Variants in PRKN observed in about 807,000 individuals in gnomAD.
PRKN encodes the protein E3 ubiquitin-protein ligase parkin.
PRKN carries 56 observed loss-of-function variants against 59.5 expected under a neutral mutation model. That is an observed-to-expected ratio of 0.94 (90% confidence interval 0.76 to 1.18). PRKN has a LOEUF of 1.18. Among genes scored for constraint, PRKN ranks in the 50% most tolerant of loss-of-function variants. The probability of loss-of-function intolerance (pLI) is 0.00; values close to 1 mark genes in which losing one functional copy is unlikely to be tolerated. For missense variants in PRKN, 657 were observed against 596.4 expected, an observed-to-expected ratio of 1.10 and a Z score of -1.06; for synonymous variants, 250 against 222.1, an observed-to-expected ratio of 1.13 and a Z score of -1.12.
Position 162,632,841 on chromosome 6 carries a change from T to C in PRKN, c.7+94821A>G, listed in dbSNP as rs532704367. Among the ~76,000 whole-genome samples the C allele has an allele frequency of 1.2e-4, 18 of 152,238 alleles. No homozygotes were observed. The East Asian group carries it at 3.5e-3, about 29-fold the overall frequency. On this transcript the variant is annotated intron_variant, in intron 1 of 11. Transcript: ENST00000366898. ...CTTAGATACAAATGTAATTGGTAAT[T>C]CTAATATAATACAAAATAATCAGGC...
chr6:162,111,463 TA>T (rs144971105), intron 4 of PRKN, among the ~76,000 whole-genome samples: 1 of 150,600 alleles, frequency 6.6e-6, no homozygotes, highest in Admixed American at 6.6e-5. Flanking sequence ...AGACTCTGTC[TA>T]AAAAAAAAGA....
At position 162,422,322 on chromosome 6, in the gene PRKN, A is replaced by G. The variant is rs555528392; in HGVS notation, c.171+20988T>C. 7.9e-5 allele frequency among the ~76,000 whole-genome samples: 12 copies of G among 152,276 alleles called. No individual in the cohort carries two copies. The East Asian group carries it at 2.1e-3, about 27-fold the overall frequency. On this transcript the variant is annotated intron_variant, in intron 2 of 11. Transcript: ENST00000366898. ...AATACCATTTCTGCTAGAAAAATTT[A>G]CCTGCCCCTAGTATACAACAGTAAC...
At position 161,510,405 on chromosome 6, in the gene PRKN, G is replaced by A. The variant is rs143997553; in HGVS notation, c.1083+38449C>T. Among the ~76,000 whole-genome samples the A allele has an allele frequency of 3.2e-3, 487 of 150,098 alleles. 10 individuals are homozygous for A. Among genetic ancestry groups the A allele is most frequent in the East Asian group, 0.026 (135 of 5,124 alleles). ...GTGAAGTGTGACTGTCCCTGAGGTC[G>A]CCAGTGAGGCATCGTGAAGTGTGAC... On this transcript the variant is annotated intron_variant, in intron 9 of 11. Coordinates refer to ENST00000366898, the MANE Select transcript of PRKN (RefSeq NM_004562.3).
At position 161,421,855 on chromosome 6, in the gene PRKN, CAGT is replaced by C. The variant is rs1352401958; in HGVS notation, c.1084-34981_1084-34979del. Among the ~76,000 whole-genome samples the C allele has an allele frequency of 5.3e-5, 8 of 152,088 alleles. No homozygotes were observed. In the East Asian group the frequency reaches 5.8e-4, roughly 11 times the overall value. On this transcript the variant is annotated intron_variant, in intron 9 of 11. Coordinates refer to ENST00000366898, the MANE Select transcript of PRKN (RefSeq NM_004562.3). ...TTCAGTATAGTCAGAGATTTACTAT[CAGT>C]GGTGTTGAAGAAATTCTTGGTATAT...
At chr6:162,390,625 T>C (rs1787134578) in intron 2 of PRKN, among the ~76,000 whole-genome samples, 1 of 151,820 alleles carries the variant, frequency 6.6e-6, no homozygotes, top group African/African-American at 2.4e-5. Flanking sequence ...ATTTTTTTAG[T>C]ACAGTCGGGG....
chr6:161,879,481 G>A (rs1794852573), intron 6 of PRKN, among the ~76,000 whole-genome samples: 1 of 151,708 alleles, frequency 6.6e-6, no homozygotes, highest in African/African-American at 2.4e-5. Context: ...CCGAGTAGCT[G>A]GGACTATAGG....
Position 161,386,643 on chromosome 6 carries a change from G to A in PRKN, c.1167+151C>T, listed in dbSNP as rs1222852124. 1.7e-5 allele frequency: 12 copies of A among 714,334 alleles called. No homozygotes were observed. Among genetic ancestry groups the A allele is most frequent in the Middle Eastern group, 3.4e-4 (1 of 2,918 alleles). The allele number at this position is 714,334 out of a possible 1,614,324, so 44.2% of individuals were successfully genotyped here. On this transcript the variant is annotated intron_variant, in intron 10 of 11. Coordinates refer to ENST00000366898, the MANE Select transcript of PRKN (RefSeq NM_004562.3). The surrounding 1 kb of genome is among the most constrained non-coding windows in gnomAD (Gnocchi z 4.3). ...TGCCCCAAGGAGGGGAGTCATTCTGGGAGAAGCCACGGCCCCATTCCCATG... is the reference window on the plus strand; with the variant it reads ...TGCCCCAAGGAGGGGAGTCATTCTGAGAGAAGCCACGGCCCCATTCCCATG...
At chr6:161,368,396 T>TGC (rs1785308432) in intron 10 of PRKN, among the ~76,000 whole-genome samples, 1 of 142,096 alleles carries the variant, frequency 7.0e-6, no homozygotes, top group Non-Finnish European at 1.5e-5. Context: ...TATATATATA[T>TGC]ATATATATAT....
chr6:161,499,398 T>C lies in PRKN; in HGVS notation c.1083+49456A>G, dbSNP rs1777874320. Among the ~76,000 whole-genome samples the C allele has an allele frequency of 6.6e-6, 1 of 152,028 alleles. No homozygotes were observed. Among genetic ancestry groups the C allele is most frequent in the South Asian group, 2.1e-4 (1 of 4,822 alleles). On this transcript the variant is annotated intron_variant, in intron 9 of 11. Transcript: ENST00000366898. The surrounding 1 kb of genome is among the most constrained non-coding windows in gnomAD (Gnocchi z 4.2). ...TTCTAAAAGTAAGAGAAAGAGTGTATTTCTTTGTGGAGTGCATAATTCTCC... is the reference window on the plus strand; with the variant it reads ...TTCTAAAAGTAAGAGAAAGAGTGTACTTCTTTGTGGAGTGCATAATTCTCC...
rs1319431548 is a variant in PRKN at position 161,546,153 on chromosome 6, T to C, written c.1083+2701A>G. 6.6e-6 allele frequency among the ~76,000 whole-genome samples: 1 copy of C among 152,222 alleles called. No individual in the cohort carries two copies. Among genetic ancestry groups the C allele is most frequent in the African/African-American group, 2.4e-5 (1 of 41,448 alleles). On this transcript the variant is annotated intron_variant, in intron 9 of 11. Transcript: ENST00000366898. The surrounding 1 kb of genome is among the most constrained non-coding windows in gnomAD (Gnocchi z 4.4). The stretch of plus-strand genomic sequence containing the variant: ...CTTTGGATAAATATTCATTAAGCTT[T>C]TGATTAAATATTAAATAAATCTGCA...
intron 9 of PRKN, among the ~76,000 whole-genome samples, chr6:161,509,670 A>T (rs1778308855): frequency 6.6e-6 from 1 of 152,030 alleles, no homozygotes. Flanking sequence ...TCACAAGTTT[A>T]GGAGTTCGAG....
intron 1 of PRKN, among the ~76,000 whole-genome samples, chr6:162,545,147 G>A (rs1217876272): frequency 6.6e-6 from 1 of 151,802 alleles, no homozygotes. Context: ...AATGAGCTGG[G>A]TGTAGAGGCA....
At chr6:161,623,964 AAACAC>A (rs1295930551) in intron 7 of PRKN, among the ~76,000 whole-genome samples, 1 of 152,234 alleles carries the variant, frequency 6.6e-6, no homozygotes, top group Non-Finnish European at 1.5e-5. Flanking sequence ...ATTTGATAAT[AAACAC>A]AACACATTAA....
intron 9 of PRKN, among the ~76,000 whole-genome samples, chr6:161,465,005 A>G (rs16892547): frequency 0.26 from 39,853 of 152,164 alleles, 8,887 homozygotes; most frequent in African/African-American, 0.62. Flanking sequence ...TGTGGTCAAC[A>G]AAAGCGATAG....
rs1049025904 is a variant in PRKN, at chr6:162,447,734, T to A, written c.8-4261A>T. Among the ~76,000 whole-genome samples the A allele has an allele frequency of 7.5e-4, 114 of 152,226 alleles. 1 individual carries two copies. Among genetic ancestry groups the A allele is most frequent in the African/African-American group, 2.6e-3 (107 of 41,546 alleles). Reference sequence around the variant, plus strand: ...GTAGTCAATATCAATAATTAATGATTCTTAAATGATTCTGGCTGCTCCTCA... The same window carrying A: ...GTAGTCAATATCAATAATTAATGATACTTAAATGATTCTGGCTGCTCCTCA... On this transcript the variant is annotated intron_variant, in intron 1 of 11. Coordinates refer to ENST00000366898, the MANE Select transcript of PRKN (RefSeq NM_004562.3).
chr6:162,615,612 C>G (rs1782376020), intron 1 of PRKN, among the ~76,000 whole-genome samples: 1 of 152,072 alleles, frequency 6.6e-6, no homozygotes, highest in Admixed American at 6.6e-5. Flanking sequence ...GTTTTGTTTC[C>G]CTAAAACTGA....
intron 1 of PRKN, among the ~76,000 whole-genome samples, chr6:162,602,128 C>A (rs566448137): frequency 6.6e-6 from 1 of 152,246 alleles, no homozygotes; most frequent in South Asian, 2.1e-4. Context: ...GCCCAGGGAG[C>A]GTGCAGGAGA....
rs1481147020 is a variant in PRKN at position 161,409,278 on chromosome 6, T to G, written c.1084-22401A>C. ...CATTTTTAAACTCTGTGGTAATGGTTGAGAATACTCTTCATTACTACAAGC... is the reference window on the plus strand; with the variant it reads ...CATTTTTAAACTCTGTGGTAATGGTGGAGAATACTCTTCATTACTACAAGC... On this transcript the variant is annotated intron_variant, in intron 9 of 11. Coordinates refer to ENST00000366898, the MANE Select transcript of PRKN (RefSeq NM_004562.3). This position sits in a 1 kb window ranked among gnomAD's most constrained non-coding sequence, Gnocchi z 4.6. Among the ~76,000 whole-genome samples the G allele has an allele frequency of 6.6e-6, 1 of 152,164 alleles. No individual in the cohort carries two copies. The highest frequency in any genetic ancestry group is 1.5e-5 in the Non-Finnish European group (1 of 68,036).
chr6:162,230,766 G>A (rs965147895), intron 3 of PRKN, among the ~76,000 whole-genome samples: 1 of 152,162 alleles, frequency 6.6e-6, no homozygotes. Flanking sequence ...TCTGTTAATT[G>A]ACTGCTCCTA....
Sources: gnomAD v4.1 joint callset for allele counts (sites outside exome capture counted in the v4.1 genomes callset) on GRCh38, gnomAD v4.1.1 for gene constraint, Gnocchi (gnomAD v3.1) non-coding constraint, MANE v1.5 for transcripts, NCBI Gene and HGNC (gene_info 2026-07-23, HGNC 2026-07-21) for gene names.